SCFD2: variants seen among roughly 807,000 people sequenced by gnomAD.
SCFD2 encodes sec1 family domain-containing protein 2.
A neutral mutation model predicts 58.9 loss-of-function variants in SCFD2; 54 were observed. The ratio of observed to expected loss-of-function variants is 0.92; its 90% CI spans 0.74 to 1.15. The LOEUF (loss-of-function observed/expected upper bound fraction) is 1.15. Among genes scored for constraint, SCFD2 ranks in the 50% most tolerant of loss-of-function variants. The pLI, the probability that SCFD2 is intolerant of heterozygous loss-of-function variation, is 0.00. For missense variants in SCFD2, 805 were observed against 836.6 expected, an observed-to-expected ratio of 0.96 and a Z score of 0.47; for synonymous variants, 321 against 335.9, an observed-to-expected ratio of 0.96 and a Z score of 0.49.
chr4:52,875,017 G>A (rs771417700), intron 8 of SCFD2, among the ~76,000 whole-genome samples: 1 of 152,210 alleles, frequency 6.6e-6, no homozygotes, highest in Non-Finnish European at 1.5e-5. Flanking sequence ...TTGAGCTTAT[G>A]AAATAGATAC....
At chr4:52,940,864 T>C (rs1720274633) in intron 5 of SCFD2, among the ~76,000 whole-genome samples, 1 of 152,150 alleles carries the variant, frequency 6.6e-6, no homozygotes, top group African/African-American at 2.4e-5. Context: ...GAGCATGTTC[T>C]TTAGGGGAGG....
chr4:53,333,587 AC>A (rs1733571767), intron 2 of SCFD2, among the ~76,000 whole-genome samples: 1 of 151,520 alleles, frequency 6.6e-6, no homozygotes. Flanking sequence ...TATACCTTAT[AC>A]AAAAATTAAT....
At chr4:53,302,363 A>G (rs1463843351) in intron 3 of SCFD2, among the ~76,000 whole-genome samples, 1 of 152,214 alleles carries the variant, frequency 6.6e-6, no homozygotes, top group Non-Finnish European at 1.5e-5. Flanking sequence ...TGCTACAAAG[A>G]GAATAAAATA....
intron 5 of SCFD2, among the ~76,000 whole-genome samples, chr4:53,037,992 G>C (rs1430487841): frequency 1.3e-5 from 2 of 152,092 alleles, no homozygotes; most frequent in Non-Finnish European, 2.9e-5. Flanking sequence ...TTGCAAGCCA[G>C]AATATGAAAA....
At chr4:53,337,562 GAAC>G (rs1733723158) in intron 2 of SCFD2, among the ~76,000 whole-genome samples, 1 of 152,016 alleles carries the variant, frequency 6.6e-6, no homozygotes, top group Admixed American at 6.6e-5. Context: ...TTAAATGAAA[GAAC>G]AACCCATAAA....
In SCFD2 at chr4:53,018,728, G is replaced by A. The variant is rs140523897; in HGVS notation, c.1562-97858C>T. On this transcript the variant is annotated intron_variant, in intron 5 of 8. Transcript: ENST00000401642. ...CACAACCCTCCCAAAGGATGCTTAG[G>A]ACATCTAAATATAACAAAACTTACG... is the stretch of plus-strand genomic sequence containing the variant. Among the ~76,000 whole-genome samples, 373 of 152,240 alleles carry A rather than the reference G, an allele frequency of 2.5e-3. 1 individual carries two copies. The highest frequency in any genetic ancestry group is 4.8e-3 in the Non-Finnish European group (326 of 68,016).
At chr4:53,179,460 T>C (rs2148945925) in intron 4 of SCFD2, among the ~76,000 whole-genome samples, 1 of 152,284 alleles carries the variant, frequency 6.6e-6, no homozygotes, top group East Asian at 1.9e-4. Context: ...CTGAGAGATT[T>C]TGTCACCACC....
chr4:53,204,206 T>A (rs1483709866), intron 4 of SCFD2, among the ~76,000 whole-genome samples: 2 of 152,072 alleles, frequency 1.3e-5, no homozygotes, highest in African/African-American at 4.8e-5. Flanking sequence ...CCACTCTTAA[T>A]CTTTACAACC....
At chr4:53,277,237 T>C (rs1289906176) in intron 3 of SCFD2, among the ~76,000 whole-genome samples, 1 of 152,216 alleles carries the variant, frequency 6.6e-6, no homozygotes, top group Non-Finnish European at 1.5e-5. Context: ...TCTAAAGGGA[T>C]AGGGACCTTT....
At chr4:53,049,768 T>C (rs914938886) in intron 5 of SCFD2, among the ~76,000 whole-genome samples, 3 of 152,176 alleles carry the variant, frequency 2.0e-5, no homozygotes, top group Non-Finnish European at 4.4e-5. Context: ...AAATTTCTGA[T>C]AATGATAATG....
At chr4:53,267,493 AGTACTG>A (rs1731026524) in intron 4 of SCFD2, among the ~76,000 whole-genome samples, 1 of 152,250 alleles carries the variant, frequency 6.6e-6, no homozygotes, top group Admixed American at 6.5e-5. Flanking sequence ...CTGAGAACAC[AGTACTG>A]GTCAGGGTGA....
At chr4:53,291,103 A>C (rs1731825528) in intron 3 of SCFD2, among the ~76,000 whole-genome samples, 1 of 152,312 alleles carries the variant, frequency 6.6e-6, no homozygotes, top group South Asian at 2.1e-4. Flanking sequence ...TTATAAGGCC[A>C]GTATCTCCTC....
intron 5 of SCFD2, among the ~76,000 whole-genome samples, chr4:53,011,174 T>C (rs1383563316): frequency 1.3e-5 from 2 of 152,234 alleles, no homozygotes; most frequent in African/African-American, 2.4e-5. Context: ...TCTATGAGGA[T>C]AGTATTATGA....
intron 5 of SCFD2, among the ~76,000 whole-genome samples, chr4:53,069,803 T>C (rs1385215582): frequency 6.6e-6 from 1 of 152,064 alleles, no homozygotes; most frequent in African/African-American, 2.4e-5. Context: ...CTGGTGTGTA[T>C]TGTTAGAGAT....
At chr4:53,175,953 C>A (rs914322359) in intron 4 of SCFD2, among the ~76,000 whole-genome samples, 3 of 152,294 alleles carry the variant, frequency 2.0e-5, no homozygotes, top group African/African-American at 7.2e-5. Context: ...GAATTTATAA[C>A]TATTGAGATG....
intron 2 of SCFD2, among the ~76,000 whole-genome samples, chr4:53,341,008 A>G (rs1430006675): frequency 1.3e-5 from 2 of 148,558 alleles, no homozygotes; most frequent in Non-Finnish European, 3.1e-5. Flanking sequence ...AAAGATGGGG[A>G]AAAAACAGAG....
chr4:53,236,815 TA>T (rs200985121), intron 4 of SCFD2, among the ~76,000 whole-genome samples: 3,467 of 104,494 alleles, frequency 0.033, 105 homozygotes, highest in Admixed American at 0.092. Context: ...CTGTTTTATT[TA>T]TTTATTTATT....
intron 2 of SCFD2, among the ~76,000 whole-genome samples, chr4:53,338,771 G>A (rs541942189): frequency 1.9e-4 from 29 of 151,292 alleles, no homozygotes; most frequent in Admixed American, 1.6e-3. Context: ...TAGTAGAGAC[G>A]GGGTTTCACC....
intron 4 of SCFD2, among the ~76,000 whole-genome samples, chr4:53,248,274 C>A (rs1267812964): frequency 6.6e-6 from 1 of 152,216 alleles, no homozygotes; most frequent in Non-Finnish European, 1.5e-5. Flanking sequence ...GAGGGTCCTA[C>A]ACCCACTGAG....
Sources: gnomAD v4.1 joint callset for allele counts (sites outside exome capture counted in the v4.1 genomes callset) on GRCh38, gnomAD v4.1.1 for gene constraint, MANE v1.5 for transcripts, NCBI Gene and HGNC (gene_info 2026-07-23, HGNC 2026-07-21) for gene names.